Variants in DPP6 observed in about 807,000 individuals in gnomAD.
DPP6 encodes the protein A-type potassium channel modulatory protein DPP6.
In DPP6, 69 loss-of-function variants were observed where a neutral mutation model predicts 122.6. The ratio of observed to expected loss-of-function variants is 0.56; its 90% CI spans 0.46 to 0.69. The LOEUF (loss-of-function observed/expected upper bound fraction) is 0.69. Ranked by LOEUF, DPP6 falls within the 30% of genes least tolerant of loss-of-function variation. DPP6 has a pLI of 0.00. For synonymous variants in DPP6, 418 were observed against 433.1 expected (o/e 0.97, Z 0.43); for missense variants, 928 against 1,116.9 (o/e 0.83, Z 2.41).
At chr7:154,641,643 C>A (rs183734796) in intron 6 of DPP6, among the ~76,000 whole-genome samples, 3 of 152,290 alleles carry the variant, frequency 2.0e-5, no homozygotes, top group Non-Finnish European at 4.4e-5. Context: ...TATACACACA[C>A]ATATACATAA....
chr7:153,865,883 A>G, the DPP6 span, among the ~76,000 whole-genome samples: 1 of 141,016 alleles, frequency 7.1e-6, no homozygotes, highest in Non-Finnish European at 1.5e-5. Flanking sequence ...TTTCCCACCT[A>G]TGAGTGAGAA....
At chr7:154,860,482 A>AGTCT (rs1319008870) in intron 17 of DPP6, among the ~76,000 whole-genome samples, 1 of 152,196 alleles carries the variant, frequency 6.6e-6, no homozygotes, top group Non-Finnish European at 1.5e-5. Flanking sequence ...CATGGTGGAA[A>AGTCT]GGATGAGAGT....
At chr7:154,484,739 TAGC>T (rs1823639537) in intron 3 of DPP6, among the ~76,000 whole-genome samples, 1 of 152,250 alleles carries the variant, frequency 6.6e-6, no homozygotes. Context: ...AGCCACTTGT[TAGC>T]AGAGAGCCCT....
chr7:154,647,252 TGTCC>T (rs1286952525), intron 6 of DPP6, among the ~76,000 whole-genome samples: 1 of 152,182 alleles, frequency 6.6e-6, no homozygotes, highest in Non-Finnish European at 1.5e-5. Flanking sequence ...GTGATTTTGG[TGTCC>T]AGCTGGGGTC....
chr7:154,144,265 C>T (rs557784225), intron 1 of DPP6, among the ~76,000 whole-genome samples: 1 of 151,358 alleles, frequency 6.6e-6, no homozygotes, highest in African/African-American at 2.4e-5. Flanking sequence ...CATTAATTCA[C>T]TCATTTATTC....
chr7:154,273,009 C>G (rs976525478), intron 1 of DPP6, among the ~76,000 whole-genome samples: 8 of 152,258 alleles, frequency 5.3e-5, no homozygotes, highest in African/African-American at 1.9e-4. Context: ...TCATTTTGTT[C>G]CCACTGGAGT....
chr7:154,717,987 T>C (rs59490368), intron 7 of DPP6, among the ~76,000 whole-genome samples: 52,783 of 152,144 alleles, frequency 0.35, 10,053 homozygotes, highest in Admixed American at 0.49. Context: ...TTCATTTGCA[T>C]TTCTCTGATG....
At chr7:154,571,029 A>G (rs1422599608) in intron 5 of DPP6, among the ~76,000 whole-genome samples, 1 of 152,202 alleles carries the variant, frequency 6.6e-6, no homozygotes, top group Non-Finnish European at 1.5e-5. Flanking sequence ...TCCTGCTCCA[A>G]AGAGACAACA....
At chr7:154,179,785 G>A (rs6950013) in intron 1 of DPP6, among the ~76,000 whole-genome samples, 12,058 of 152,146 alleles carry the variant, frequency 0.079, 1,589 homozygotes, top group African/African-American at 0.27. Context: ...ATTCTGTAGC[G>A]TTCTACTTTG....
At chr7:154,815,573 T>C (rs544630704) in intron 16 of DPP6, among the ~76,000 whole-genome samples, 6 of 152,360 alleles carry the variant, frequency 3.9e-5, no homozygotes, top group Admixed American at 1.3e-4. Context: ...CTAAGAAATG[T>C]CCAAATGCCA....
At chr7:154,323,597 G>A (rs1184076927) in intron 1 of DPP6, among the ~76,000 whole-genome samples, 1 of 152,156 alleles carries the variant, frequency 6.6e-6, no homozygotes, top group Non-Finnish European at 1.5e-5. Context: ...GCCATCTCTG[G>A]GGTAAGTGGA....
intron 1 of DPP6, among the ~76,000 whole-genome samples, chr7:153,912,376 G>C (rs1269395622): frequency 6.6e-6 from 1 of 152,198 alleles, no homozygotes; most frequent in Non-Finnish European, 1.5e-5. Flanking sequence ...GGGAGCGAGA[G>C]CTTCATGAAA....
intron 1 of DPP6, among the ~76,000 whole-genome samples, chr7:154,390,446 T>G (rs1339450135): frequency 1.3e-5 from 2 of 152,002 alleles, no homozygotes; most frequent in Non-Finnish European, 2.9e-5. Context: ...GTGCTGGGTT[T>G]TATTCTGTGA....
intron 6 of DPP6, among the ~76,000 whole-genome samples, chr7:154,649,456 A>G (rs1222158106): frequency 1.3e-5 from 2 of 152,204 alleles, no homozygotes; most frequent in Non-Finnish European, 2.9e-5. Flanking sequence ...AAAGTGCCCA[A>G]CTGTCTTCCA....
At chr7:153,987,538 G>C (rs1255706266) in intron 1 of DPP6, among the ~76,000 whole-genome samples, 1 of 150,422 alleles carries the variant, frequency 6.6e-6, no homozygotes, top group African/African-American at 2.4e-5. Context: ...TACAGAAGTG[G>C]GAAGAAATGA....
At chr7:153,806,067 A>G in the DPP6 span, among the ~76,000 whole-genome samples, 1 of 151,888 alleles carries the variant, frequency 6.6e-6, no homozygotes, top group African/African-American at 2.4e-5. Flanking sequence ...GGAAGATCAC[A>G]TATCTGACGT....
intron 1 of DPP6, among the ~76,000 whole-genome samples, chr7:154,420,249 TTG>T (rs1817358302): frequency 6.6e-6 from 1 of 152,072 alleles, no homozygotes; most frequent in Non-Finnish European, 1.5e-5. Context: ...AGGCAGAGAA[TTG>T]CTTGAACCCA....
At chr7:154,879,368 C>G (rs1215192503) in intron 20 of DPP6, among the ~76,000 whole-genome samples, 1 of 106,184 alleles carries the variant, frequency 9.4e-6, no homozygotes, top group Non-Finnish European at 1.8e-5. Context: ...ATCACGAGGT[C>G]AGGAGATCGA....
At chr7:154,642,146 A>T (rs1389200924) in intron 6 of DPP6, among the ~76,000 whole-genome samples, 1 of 152,212 alleles carries the variant, frequency 6.6e-6, no homozygotes, top group Non-Finnish European at 1.5e-5. Context: ...GCCCAGTGCC[A>T]GCCTAATAGC....
Sources: allele counts gnomAD v4.1 joint callset (sites outside exome capture counted in the v4.1 genomes callset), GRCh38; gene constraint gnomAD v4.1.1; transcripts MANE v1.5; gene names NCBI Gene and HGNC (gene_info 2026-07-23, HGNC 2026-07-21).